Variants in FARP1 observed in about 807,000 individuals in gnomAD.
FARP1 encodes the protein FERM, ARH/RhoGEF and pleckstrin domain protein 1, also known as FERM, ARHGEF and pleckstrin domain-containing protein 1.
Under a neutral mutation model 128.8 loss-of-function variants are expected in FARP1, and 52 were observed. The ratio of observed to expected loss-of-function variants is 0.40; its 90% CI spans 0.32 to 0.51. The LOEUF is 0.51. Ranked by LOEUF, FARP1 falls within the 20% of genes least tolerant of loss-of-function variation. The probability of loss-of-function intolerance (pLI) is 0.45; values close to 1 mark genes in which losing one functional copy is unlikely to be tolerated. For missense variants in FARP1, 1,333 were observed against 1,367.9 expected, an observed-to-expected ratio of 0.97 and a Z score of 0.40; for synonymous variants, 580 against 551.8, an observed-to-expected ratio of 1.05 and a Z score of -0.72.
intron 2 of FARP1, among the ~76,000 whole-genome samples, chr13:98,298,213 A>G (rs2139689098): frequency 1.3e-5 from 2 of 152,294 alleles, no homozygotes; most frequent in South Asian, 4.1e-4. Context: ...AGTTCCTTTA[A>G]CAGCATTTTC....
rs1252771011 is a variant in FARP1 at position 98,453,815 on chromosome 13, C to T, written c.*5498C>T. On this transcript the variant is annotated 3_prime_UTR_variant, in exon 27 of 27. Transcript: ENST00000319562. ...TAAAAATGGTAATTATCTGTATTTA[C>T]ATATATATATTAAAGCAATATTAAA... The T allele has an allele frequency of 6.6e-6, 1 of 151,890 alleles. No individual in the cohort carries two copies. Among genetic ancestry groups the T allele is most frequent in the Admixed American group, 6.6e-5 (1 of 15,252 alleles). The allele number at this position is 151,890 out of a possible 1,614,324, so 9.4% of individuals were successfully genotyped here.
At chr13:98,218,031 G>A (rs1261071944) in intron 2 of FARP1, among the ~76,000 whole-genome samples, 1 of 152,078 alleles carries the variant, frequency 6.6e-6, no homozygotes, top group Non-Finnish European at 1.5e-5. Flanking sequence ...CCCATCTTCT[G>A]GGCACTAAGA....
intron 1 of FARP1, among the ~76,000 whole-genome samples, chr13:98,173,215 C>A (rs1487966702): frequency 6.6e-6 from 1 of 152,108 alleles, no homozygotes; most frequent in Non-Finnish European, 1.5e-5. Flanking sequence ...TTAATTAGGT[C>A]ATTTGTTCTT....
chr13:98,189,760 T>C (rs1330610491), intron 1 of FARP1, among the ~76,000 whole-genome samples: 2 of 152,256 alleles, frequency 1.3e-5, no homozygotes, highest in Non-Finnish European at 2.9e-5. Flanking sequence ...TTTTGCATTT[T>C]TATTTTCAGT....
At position 98,453,497 on chromosome 13, in the gene FARP1, G is replaced by T. The variant is rs1404667570; in HGVS notation, c.*5180G>T. On this transcript the variant is annotated 3_prime_UTR_variant, in exon 27 of 27. Transcript: ENST00000319562. ...GGGAAATCATATCCCTTTTACTTAC[G>T]ATCAATTGTCAAAAAGTGAACATTG... 2.6e-6 allele frequency: 1 copy of T among 382,250 alleles called. No individual in the cohort carries two copies. The highest frequency in any genetic ancestry group is 5.0e-5 in the East Asian group (1 of 20,158). 23.7% of individuals were successfully genotyped at this position (382,250 alleles called of 1,614,324 possible). A position where few individuals can be genotyped will look rare whatever the true frequency, so the allele number is the denominator to read the frequency against.
At chr13:98,182,247 T>A (rs9556897) in intron 1 of FARP1, among the ~76,000 whole-genome samples, 1 of 152,004 alleles carries the variant, frequency 6.6e-6, no homozygotes, top group Non-Finnish European at 1.5e-5. Flanking sequence ...TCAGAACTTG[T>A]TAGTCTTTTT....
At chr13:98,228,629 G>A (rs987890153) in intron 2 of FARP1, among the ~76,000 whole-genome samples, 1 of 152,186 alleles carries the variant, frequency 6.6e-6, no homozygotes, top group Admixed American at 6.5e-5. Flanking sequence ...TTAAGGCTGT[G>A]ACTGGCTTCT....
intron 1 of FARP1, among the ~76,000 whole-genome samples, chr13:98,156,136 C>T (rs1386135363): frequency 2.6e-5 from 4 of 152,122 alleles, no homozygotes. Flanking sequence ...ATCATGGATT[C>T]TAAATAACTA....
At chr13:98,296,347 G>C (rs1207952906) in intron 2 of FARP1, among the ~76,000 whole-genome samples, 2 of 151,972 alleles carry the variant, frequency 1.3e-5, no homozygotes, top group South Asian at 2.1e-4. Context: ...TCTCCTTTCT[G>C]CCTTGAATGC....
At position 98,415,815 on chromosome 13, in the gene FARP1, G is replaced by A. The variant is rs567300563; in HGVS notation, c.1826+3781G>A. Among the ~76,000 whole-genome samples the A allele has an allele frequency of 1.5e-4, 23 of 152,382 alleles. No homozygotes were observed. The East Asian group carries it at 4.4e-3, about 29-fold the overall frequency. On this transcript the variant is annotated intron_variant, in intron 16 of 26. Transcript: ENST00000319562. ...GCCTTTCCTCACGTTGCCGTGATAC[G>A]GAAGCGCAGGTTGGCTCCTGTCGAT...
intron 1 of FARP1, among the ~76,000 whole-genome samples, chr13:98,163,352 A>C (rs1481507479): frequency 6.6e-6 from 1 of 152,284 alleles, no homozygotes; most frequent in East Asian, 1.9e-4. Flanking sequence ...GAGCAGGAAA[A>C]GTAACTGTTG....
At chr13:98,184,253 G>A (rs1293885031) in intron 1 of FARP1, among the ~76,000 whole-genome samples, 1 of 151,964 alleles carries the variant, frequency 6.6e-6, no homozygotes, top group Non-Finnish European at 1.5e-5. Flanking sequence ...AAGAAGCTGG[G>A]ATTGTAGGCG....
chr13:98,439,061 GC>G, intron 20 of FARP1, 45 bp from the exon 21 acceptor site: 1 of 1,515,160 alleles, frequency 6.6e-7, no homozygotes, highest in Admixed American at 1.7e-5. Flanking sequence ...AGGGAAGCCT[GC>G]TGTCCAAACG....
At chr13:98,162,080 TC>T (rs1302967030) in intron 1 of FARP1, among the ~76,000 whole-genome samples, 1 of 152,206 alleles carries the variant, frequency 6.6e-6, no homozygotes, top group Admixed American at 6.5e-5. Flanking sequence ...GCCTGGCTCT[TC>T]CTGTCTCTTT....
Position 98,435,800 on chromosome 13 carries a change from C to T in FARP1, c.2274+94C>T, listed in dbSNP as rs1892241441. On this transcript the variant is annotated intron_variant, in intron 19 of 26. Transcript: ENST00000319562. The stretch of plus-strand genomic sequence containing the variant: ...TGAACCTTTTGAAGAGAGACCCTTG[C>T]AAAGCAAAATGTCCTCTTTCCATCC... 3 of 1,331,810 alleles carry T rather than the reference C, an allele frequency of 2.3e-6. No homozygotes were observed. The East Asian group carries it at 6.9e-5, about 31-fold the overall frequency. 82.5% of individuals were successfully genotyped at this position (1,331,810 alleles called of 1,614,324 possible). A position where few individuals can be genotyped will look rare whatever the true frequency, so the allele number is the denominator to read the frequency against.
chr13:98,155,343 C>CAAAA (rs67425847), intron 1 of FARP1, among the ~76,000 whole-genome samples: 2 of 64,548 alleles, frequency 3.1e-5, no homozygotes, highest in Non-Finnish European at 5.9e-5. Context: ...AACTCTGTCT[C>CAAAA]AAAAAAAAAA....
At position 98,160,048 on chromosome 13, in the gene FARP1, C is replaced by T. The variant is rs139765644; in HGVS notation, c.-24+16556C>T. ...TACTTTAGCTTCACCTTTGAAGATA[C>T]TGACCTATCTGATACACAGTTGTTG... is the stretch of plus-strand genomic sequence containing the variant. On this transcript the variant is annotated intron_variant, in intron 1 of 26. Transcript: ENST00000319562. 6.2e-3 allele frequency among the ~76,000 whole-genome samples: 947 copies of T among 152,314 alleles called. 8 individuals carry two copies. Among genetic ancestry groups the T allele is most frequent in the African/African-American group, 0.022 (905 of 41,570 alleles).
chr13:98,181,830 A>G (rs1417434970), intron 1 of FARP1, among the ~76,000 whole-genome samples: 1 of 151,976 alleles, frequency 6.6e-6, no homozygotes. Flanking sequence ...CCTGTCTAGA[A>G]CTTGCCATGG....
intron 1 of FARP1, among the ~76,000 whole-genome samples, chr13:98,201,754 A>T (rs1566734150): frequency 6.6e-6 from 1 of 152,218 alleles, no homozygotes; most frequent in African/African-American, 2.4e-5. Context: ...ATTTAAGATA[A>T]CCTATTTAAT....
Sources: allele counts gnomAD v4.1 joint callset (sites outside exome capture counted in the v4.1 genomes callset), GRCh38; gene constraint gnomAD v4.1.1; transcripts MANE v1.5; gene names NCBI Gene and HGNC (gene_info 2026-07-23, HGNC 2026-07-21).